PDE3A: variants seen among roughly 807,000 people sequenced by gnomAD.
PDE3A encodes the protein phosphodiesterase 3A.
A neutral mutation model predicts 98.3 loss-of-function variants in PDE3A; 43 were observed. The ratio of observed to expected loss-of-function variants is 0.44; its 90% CI spans 0.34 to 0.56. The LOEUF is 0.56. Among genes scored for constraint, PDE3A ranks in the 20% least tolerant of loss-of-function variants. PDE3A has a pLI of 0.01. For synonymous variants in PDE3A, 663 were observed against 567.9 expected, an observed-to-expected ratio of 1.17 and a Z score of -2.38; for missense variants, 1,427 against 1,440.7, an observed-to-expected ratio of 0.99 and a Z score of 0.15.
intron 2 of PDE3A, among the ~76,000 whole-genome samples, chr12:20,570,351 T>G (rs750484183): frequency 1.6e-5 from 2 of 123,354 alleles, no homozygotes; most frequent in Non-Finnish European, 3.1e-5. Flanking sequence ...GAGGTTGCAA[T>G]GAACCAAGAT....
intron 1 of PDE3A, among the ~76,000 whole-genome samples, chr12:20,416,016 G>A (rs922898433): frequency 2.0e-5 from 3 of 152,186 alleles, no homozygotes; most frequent in Non-Finnish European, 4.4e-5. Context: ...TCCTGAAGAC[G>A]TCGTTTTGGT....
At chr12:20,513,109 G>A (rs1459755182) in intron 1 of PDE3A, among the ~76,000 whole-genome samples, 1 of 152,006 alleles carries the variant, frequency 6.6e-6, no homozygotes, top group Non-Finnish European at 1.5e-5. Context: ...ATGCCCTTGA[G>A]CAGTGATTCT....
At chr12:20,373,238 C>G (rs1294684515) in intron 1 of PDE3A, among the ~76,000 whole-genome samples, 1 of 152,000 alleles carries the variant, frequency 6.6e-6, no homozygotes, top group Non-Finnish European at 1.5e-5. Flanking sequence ...ATGAGTGTGT[C>G]AAACTACTTT....
intron 1 of PDE3A, among the ~76,000 whole-genome samples, chr12:20,475,170 TG>T (rs1945507722): frequency 1.4e-5 from 1 of 72,782 alleles, no homozygotes; most frequent in South Asian, 6.5e-4. Flanking sequence ...GAGGAAAAAA[TG>T]TGTGTGAGTG....
At chr12:20,618,568 C>T (rs1944063232) in intron 4 of PDE3A, among the ~76,000 whole-genome samples, 1 of 152,056 alleles carries the variant, frequency 6.6e-6, no homozygotes, top group Non-Finnish European at 1.5e-5. Context: ...GGTCTTGGCC[C>T]TACCAACCAC....
At chr12:20,417,264 G>A (rs1171442986) in intron 1 of PDE3A, among the ~76,000 whole-genome samples, 1 of 152,076 alleles carries the variant, frequency 6.6e-6, no homozygotes, top group Non-Finnish European at 1.5e-5. Context: ...GTACACAAAA[G>A]TCCTGTAGAA....
rs1323015040 is a variant in PDE3A, at chr12:20,613,586, C to T, written c.1155C>T (p.Leu385=). ...TGAGCAACTTGCTCAGCACACAGCTCACCTTCCAGGCCATTCACAAGCCCA... is the reference window on the plus strand; with the variant it reads ...TGAGCAACTTGCTCAGCACACAGCTTACCTTCCAGGCCATTCACAAGCCCA... ...RAVSNLLSTQ[L]TFQAIHKPRV... is the part of the protein sequence containing the mutation. Residue 385 remains leucine (L), a synonymous_variant, in exon 3 of 16, where the codon CTC becomes CTT. Transcript: ENST00000359062. 9.9e-6 allele frequency: 16 copies of T among 1,614,130 alleles called. No individual in the cohort carries two copies. Among genetic ancestry groups the T allele is most frequent in the East Asian group, 2.2e-5 (1 of 44,852 alleles).
intron 12 of PDE3A, among the ~76,000 whole-genome samples, chr12:20,648,225 T>C (rs4415826): frequency 0.22 from 33,006 of 151,130 alleles, 4,046 homozygotes; most frequent in East Asian, 0.45. Context: ...TTATGCCAGA[T>C]AGAGAAAGTA....
intron 1 of PDE3A, among the ~76,000 whole-genome samples, chr12:20,380,545 G>T (rs1283354035): frequency 1.3e-5 from 2 of 151,828 alleles, no homozygotes; most frequent in African/African-American, 2.4e-5. Context: ...ATACAGTATT[G>T]TTATATCCTC....
intron 1 of PDE3A, among the ~76,000 whole-genome samples, chr12:20,372,285 AT>A (rs892562416): frequency 2.0e-5 from 3 of 151,894 alleles, no homozygotes; most frequent in African/African-American, 7.3e-5. Flanking sequence ...TTTGGTCACT[AT>A]TTTTTTTAAA....
Position 20,375,610 on chromosome 12 carries a change from A to G in PDE3A, c.960+5366A>G, listed in dbSNP as rs568456491. On this transcript the variant is annotated intron_variant, in intron 1 of 15. Coordinates refer to ENST00000359062, the MANE Select transcript of PDE3A (RefSeq NM_000921.5). ...CCATAGCTAATGTTACCCATTATCC[A>G]TAAAGGCCTTTGATCAATCAACCTA... Among the ~76,000 whole-genome samples the G allele has an allele frequency of 2.2e-4, 33 of 152,114 alleles. No individual in the cohort carries two copies. In the South Asian group the frequency reaches 6.8e-3, roughly 31 times the overall value.
Position 20,680,319 on chromosome 12 carries a change from A to T in PDE3A, c.*48A>T, listed in dbSNP as rs763624762. On this transcript the variant is annotated 3_prime_UTR_variant, in exon 16 of 16. Coordinates refer to ENST00000359062, the MANE Select transcript of PDE3A (RefSeq NM_000921.5). ...TTCCAAACAGATTGACTTGTCAAAGACTCTCTTCAAGCCAGCACAACATTT... is the reference window on the plus strand; with the variant it reads ...TTCCAAACAGATTGACTTGTCAAAGTCTCTCTTCAAGCCAGCACAACATTT... 1 of 1,594,706 alleles carries T rather than the reference A, an allele frequency of 6.3e-7. No individual in the cohort carries two copies. Among genetic ancestry groups the T allele is most frequent in the East Asian group, 2.2e-5 (1 of 44,672 alleles).
At position 20,616,396 on chromosome 12, in the gene PDE3A, C is replaced by T. The variant is rs2121464998; in HGVS notation, c.1424+12C>T. ...GCACCTTCATCCAGGTGGCATACGG[C>T]TCCTGCTGGTTTAATGTCTCTTAGA... is the stretch of plus-strand genomic sequence containing the variant. On this transcript the variant is annotated intron_variant, in intron 4 of 15. Coordinates refer to ENST00000359062, the MANE Select transcript of PDE3A (RefSeq NM_000921.5). The T allele has an allele frequency of 6.2e-7, 1 of 1,611,670 alleles. No homozygotes were observed. Among genetic ancestry groups the T allele is most frequent in the Non-Finnish European group, 8.5e-7 (1 of 1,178,686 alleles).
Position 20,683,702 on chromosome 12 carries a change from T to A in PDE3A, c.*3431T>A, listed in dbSNP as rs1330726988. 6.6e-6 allele frequency: 1 copy of A among 152,186 alleles called. No individual in the cohort carries two copies. The highest frequency in any genetic ancestry group is 1.9e-4 in the East Asian group (1 of 5,196). The allele number at this position is 152,186 out of a possible 1,614,324, so 9.4% of individuals were successfully genotyped here. On this transcript the variant is annotated 3_prime_UTR_variant, in exon 16 of 16. Transcript: ENST00000359062. The stretch of plus-strand genomic sequence containing the variant: ...CAATAAAAGATGAAGACAGTAGCTC[T>A]GTACAGGGATATATCTATATTAGTC...
At chr12:20,656,546 T>C (rs940596126) in intron 15 of PDE3A, among the ~76,000 whole-genome samples, 3 of 152,212 alleles carry the variant, frequency 2.0e-5, no homozygotes, top group Admixed American at 6.5e-5. Context: ...ATTAGAAAAT[T>C]TGTACTAATC....
chr12:20,514,843 A>T (rs1946288318), intron 1 of PDE3A, among the ~76,000 whole-genome samples: 1 of 152,234 alleles, frequency 6.6e-6, no homozygotes. Flanking sequence ...GTTTATGTAA[A>T]ATGGTTTCAA....
chr12:20,641,179 GA>G (rs911257966), intron 10 of PDE3A, among the ~76,000 whole-genome samples: 1 of 152,118 alleles, frequency 6.6e-6, no homozygotes, highest in African/African-American at 2.4e-5. Context: ...AAAAGAGAAT[GA>G]AAAACTGAAT....
At chr12:20,553,896 C>T (rs1220135134) in intron 1 of PDE3A, among the ~76,000 whole-genome samples, 1 of 151,666 alleles carries the variant, frequency 6.6e-6, no homozygotes, top group Non-Finnish European at 1.5e-5. Context: ...TTCCTGACAC[C>T]GGATGGGTGC....
At chr12:20,370,347 G>GC (rs1943445777) in intron 1 of PDE3A, 103 bp downstream of exon 1, 2 of 989,258 alleles carry the variant, frequency 2.0e-6, no homozygotes, top group Admixed American at 3.1e-5. Flanking sequence ...AGGGAAGATA[G>GC]CCTAGAAAAC....
Sources: gnomAD v4.1 joint callset for allele counts (sites outside exome capture counted in the v4.1 genomes callset) on GRCh38, gnomAD v4.1.1 for gene constraint, MANE v1.5 for transcripts, NCBI Gene and HGNC (gene_info 2026-07-23, HGNC 2026-07-21) for gene names.